CSMD1: variants seen among roughly 807,000 people sequenced by gnomAD.
CSMD1 encodes CUB and Sushi multiple domains 1.
A neutral mutation model predicts 417.5 loss-of-function variants in CSMD1; 213 were observed. The ratio of observed to expected loss-of-function variants is 0.51; its 90% CI spans 0.46 to 0.57. CSMD1 has a LOEUF of 0.57. Among genes scored for constraint, CSMD1 ranks in the 20% least tolerant of loss-of-function variants. The pLI, the probability that CSMD1 is intolerant of heterozygous loss-of-function variation, is 0.00. For synonymous variants in CSMD1, 2,862 were observed against 1,736.8 expected (o/e 1.65, Z -16.11); for missense variants, 6,923 against 4,529.7 (o/e 1.53, Z -15.17).
intron 25 of CSMD1, among the ~76,000 whole-genome samples, chr8:3,306,006 C>T (rs576430219): frequency 1.3e-5 from 2 of 151,990 alleles, no homozygotes; most frequent in Non-Finnish European, 2.9e-5. Flanking sequence ...TCTATTGTAG[C>T]AGCAGAAACA....
chr8:3,047,722 T>C (rs1413932951), intron 50 of CSMD1, among the ~76,000 whole-genome samples: 1 of 152,224 alleles, frequency 6.6e-6, no homozygotes, highest in Non-Finnish European at 1.5e-5. Context: ...AGTTGGCTCT[T>C]TATTTCAGGG....
chr8:4,663,559 T>C (rs776980787), intron 1 of CSMD1, among the ~76,000 whole-genome samples: 2 of 152,136 alleles, frequency 1.3e-5, no homozygotes, highest in Non-Finnish European at 2.9e-5. Context: ...GACCTGGCTG[T>C]TGAAAAGTGC....
At chr8:3,718,445 C>A (rs769255396) in intron 6 of CSMD1, among the ~76,000 whole-genome samples, 6 of 152,142 alleles carry the variant, frequency 3.9e-5, no homozygotes, top group Non-Finnish European at 8.8e-5. Context: ...CCTCTGAAAG[C>A]CTGATGTTAT....
At chr8:3,345,019 G>A (rs1214718109) in intron 22 of CSMD1, among the ~76,000 whole-genome samples, 3 of 152,192 alleles carry the variant, frequency 2.0e-5, no homozygotes, top group African/African-American at 7.2e-5. Flanking sequence ...AGAGGAATCT[G>A]GGTCAAAGAG....
chr8:3,393,674 T>G (rs986772247), intron 17 of CSMD1, among the ~76,000 whole-genome samples: 11 of 151,744 alleles, frequency 7.2e-5, no homozygotes, highest in Admixed American at 5.9e-4. Context: ...AATTGATGAG[T>G]TCATGTCTTT....
chr8:4,158,016 T>C (rs991907652), intron 3 of CSMD1, among the ~76,000 whole-genome samples: 2 of 151,890 alleles, frequency 1.3e-5, no homozygotes, highest in Non-Finnish European at 2.9e-5. Flanking sequence ...ACTGCCCCCA[T>C]ACACGGAACC....
chr8:3,065,184 T>C (rs529689740), intron 49 of CSMD1, among the ~76,000 whole-genome samples: 21 of 151,914 alleles, frequency 1.4e-4, no homozygotes, highest in South Asian at 6.2e-4. Flanking sequence ...AAAAGAAAAA[T>C]ATATAAAAAG....
chr8:4,026,727 T>A (rs1047634974), intron 4 of CSMD1, among the ~76,000 whole-genome samples: 2 of 152,340 alleles, frequency 1.3e-5, no homozygotes, highest in Non-Finnish European at 2.9e-5. Flanking sequence ...ACTTCTTTTT[T>A]CCTTAAAGAA....
At chr8:4,527,921 C>G (rs11997928) in intron 2 of CSMD1, among the ~76,000 whole-genome samples, 1 of 151,952 alleles carries the variant, frequency 6.6e-6, no homozygotes, top group Non-Finnish European at 1.5e-5. Context: ...GGCGTGCCTG[C>G]TTCCTGAGGG....
chr8:3,382,581 GAT>G (rs1810706564), intron 18 of CSMD1, among the ~76,000 whole-genome samples: 2 of 97,642 alleles, frequency 2.0e-5, no homozygotes, highest in Non-Finnish European at 4.4e-5. Context: ...ATCTATAATA[GAT>G]ATATAAATAT....
intron 7 of CSMD1, among the ~76,000 whole-genome samples, chr8:3,661,499 T>G (rs574225572): frequency 1.1e-3 from 119 of 106,630 alleles, no homozygotes; most frequent in Non-Finnish European, 1.9e-3. Flanking sequence ...ATTAAACTGA[T>G]TTTTTTTTCT....
At chr8:4,325,172 A>C (rs964618417) in intron 3 of CSMD1, among the ~76,000 whole-genome samples, 7 of 152,158 alleles carry the variant, frequency 4.6e-5, no homozygotes, top group African/African-American at 1.7e-4. Context: ...GGAGAAAAAT[A>C]AATATAACAA....
chr8:3,368,518 T>A (rs13259848), intron 19 of CSMD1, among the ~76,000 whole-genome samples: 1 of 152,006 alleles, frequency 6.6e-6, no homozygotes, highest in Non-Finnish European at 1.5e-5. Flanking sequence ...TTTGTATTTT[T>A]AGTAGAGACA....
intron 3 of CSMD1, among the ~76,000 whole-genome samples, chr8:4,358,988 A>G (rs142465008): frequency 6.6e-6 from 1 of 151,894 alleles, no homozygotes; most frequent in Non-Finnish European, 1.5e-5. Flanking sequence ...ACACACATTT[A>G]AGTTGACATA....
Position 3,453,403 on chromosome 8 carries a change from T to A in CSMD1, c.1561+15309A>T, listed in dbSNP as rs183198548. 2.0e-3 allele frequency among the ~76,000 whole-genome samples: 300 copies of A among 152,298 alleles called. 1 individual carries two copies. Among genetic ancestry groups the A allele is most frequent in the African/African-American group, 5.1e-3 (213 of 41,554 alleles). ...TCTCTGGTTTTTTTAATTGTGATGT[T>A]AGGATGTCAATTTTAGATCTTGCCT... On this transcript the variant is annotated intron_variant, in intron 12 of 69. Coordinates refer to ENST00000635120, the MANE Select transcript of CSMD1 (RefSeq NM_033225.6).
chr8:4,040,271 T>A (rs1160192154), intron 3 of CSMD1, among the ~76,000 whole-genome samples: 2 of 152,236 alleles, frequency 1.3e-5, no homozygotes, highest in Non-Finnish European at 2.9e-5. Flanking sequence ...CGGAAATACT[T>A]GCACAACACA....
chr8:3,916,926 T>C (rs1215748575), intron 5 of CSMD1, among the ~76,000 whole-genome samples: 2 of 151,968 alleles, frequency 1.3e-5, no homozygotes, highest in Admixed American at 1.3e-4. Flanking sequence ...ATAACAATAA[T>C]AATCTGCACT....
intron 1 of CSMD1, among the ~76,000 whole-genome samples, chr8:4,673,381 G>A (rs907524315): frequency 6.6e-6 from 1 of 152,074 alleles, no homozygotes; most frequent in Admixed American, 6.5e-5. Context: ...CTGTCTATAG[G>A]TGACCTGCTG....
At chr8:4,201,339 C>A (rs1287986561) in intron 3 of CSMD1, among the ~76,000 whole-genome samples, 2 of 151,858 alleles carry the variant, frequency 1.3e-5, no homozygotes, top group African/African-American at 2.4e-5. Flanking sequence ...GAGATCGAGA[C>A]CATCTTGGGT....
Sources: gnomAD v4.1 joint callset for allele counts (sites outside exome capture counted in the v4.1 genomes callset) on GRCh38, gnomAD v4.1.1 for gene constraint, MANE v1.5 for transcripts, NCBI Gene and HGNC (gene_info 2026-07-23, HGNC 2026-07-21) for gene names.